Variants in MAML3 observed in about 807,000 individuals in gnomAD.
MAML3 encodes the protein mastermind-like protein 3.
A neutral mutation model predicts 101.9 loss-of-function variants in MAML3; 27 were observed. The observed-to-expected ratio is 0.27, with a 90% confidence interval of 0.20 to 0.37. The LOEUF is 0.37. Among genes scored for constraint, MAML3 ranks in the 10% least tolerant of loss-of-function variants. The pLI, the probability that MAML3 is intolerant of heterozygous loss-of-function variation, is 1.00. For missense variants in MAML3, 1,316 were observed against 1,444.9 expected (o/e 0.91, Z 1.45); for synonymous variants, 501 against 555.9 (o/e 0.90, Z 1.39).
chr4:139,798,451 T>C (rs1322901019), intron 2 of MAML3, among the ~76,000 whole-genome samples: 2 of 152,188 alleles, frequency 1.3e-5, no homozygotes, highest in African/African-American at 4.8e-5. Context: ...GTGTCCAAAG[T>C]TGTCAGGCAA....
At chr4:139,969,567 G>A (rs1187876035) in intron 1 of MAML3, among the ~76,000 whole-genome samples, 1 of 152,084 alleles carries the variant, frequency 6.6e-6, no homozygotes, top group Non-Finnish European at 1.5e-5. Context: ...CATATGAAAA[G>A]CTCCCTGACA....
chr4:140,056,355 TTTTC>T (rs944301520), intron 1 of MAML3, among the ~76,000 whole-genome samples: 3 of 147,774 alleles, frequency 2.0e-5, no homozygotes, highest in African/African-American at 5.0e-5. Context: ...TTTTCTTTTC[TTTTC>T]TTTTTTTTTT....
chr4:139,948,339 T>C (rs960552415), intron 1 of MAML3, among the ~76,000 whole-genome samples: 2 of 152,208 alleles, frequency 1.3e-5, no homozygotes, highest in Admixed American at 1.3e-4. Flanking sequence ...ATTTCAGCTT[T>C]CAAATAACTG....
At chr4:139,866,642 C>G (rs992777918) in intron 2 of MAML3, among the ~76,000 whole-genome samples, 7 of 152,166 alleles carry the variant, frequency 4.6e-5, no homozygotes, top group African/African-American at 1.4e-4. Context: ...TGATTCTTCT[C>G]TCTTCCTCAC....
Position 139,897,096 on chromosome 4 carries a change from G to T in MAML3, c.469-6129C>A, listed in dbSNP as rs1732629829. ...TACTGTCCTGTCCCTGATTTTGCAC[G>T]AAGTTGGGCAGGATCACAGAGCTTG... On this transcript the variant is annotated intron_variant, in intron 1 of 4. Transcript: ENST00000509479. Among the ~76,000 whole-genome samples the T allele has an allele frequency of 2.0e-5, 3 of 152,186 alleles. No individual in the cohort carries two copies. The South Asian group carries it at 6.2e-4, about 31-fold the overall frequency.
chr4:140,050,560 GCCAT>G (rs200744449), intron 1 of MAML3, among the ~76,000 whole-genome samples: 5,809 of 152,226 alleles, frequency 0.038, 210 homozygotes, highest in African/African-American at 0.096. Context: ...CTCCAAAGCA[GCCAT>G]GTGTTCCACT....
chr4:139,726,709 G>C (rs1728485968), intron 3 of MAML3, among the ~76,000 whole-genome samples: 2 of 152,154 alleles, frequency 1.3e-5, no homozygotes, highest in African/African-American at 4.8e-5. Flanking sequence ...TTACTGCTTT[G>C]AGGAAACCAT....
chr4:139,886,720 ATCTTTGT>A (rs1732345629), intron 2 of MAML3, among the ~76,000 whole-genome samples: 1 of 152,200 alleles, frequency 6.6e-6, no homozygotes, highest in African/African-American at 2.4e-5. Flanking sequence ...CATGAGCATA[ATCTTTGT>A]TCAACCATCT....
chr4:140,091,297 C>T (rs1728042281), intron 1 of MAML3, among the ~76,000 whole-genome samples: 1 of 152,072 alleles, frequency 6.6e-6, no homozygotes. Flanking sequence ...TTCCTAAAGC[C>T]TTCCAAGATA....
chr4:139,983,153 G>A (rs748914456), intron 1 of MAML3, among the ~76,000 whole-genome samples: 9 of 152,138 alleles, frequency 5.9e-5, no homozygotes, highest in Non-Finnish European at 8.8e-5. Flanking sequence ...TCTTTGTGCT[G>A]TAAAACTCCA....
chr4:140,131,918 C>T (rs1401229019), intron 1 of MAML3, among the ~76,000 whole-genome samples: 1 of 152,256 alleles, frequency 6.6e-6, no homozygotes, highest in East Asian at 1.9e-4. Context: ...GGATTGCTGT[C>T]TCCAGTCTCT....
intron 1 of MAML3, among the ~76,000 whole-genome samples, chr4:139,939,560 G>T (rs923397957): frequency 6.6e-6 from 1 of 152,194 alleles, no homozygotes; most frequent in African/African-American, 2.4e-5. Flanking sequence ...CAACAAGGGG[G>T]TCTTTGCTGT....
intron 1 of MAML3, among the ~76,000 whole-genome samples, chr4:140,006,414 C>T (rs746652418): frequency 6.6e-6 from 1 of 151,662 alleles, no homozygotes; most frequent in Non-Finnish European, 1.5e-5. Flanking sequence ...GGTGAAACCC[C>T]GACTCTACTA....
intron 1 of MAML3, among the ~76,000 whole-genome samples, chr4:140,025,142 C>T (rs1477786473): frequency 1.3e-5 from 2 of 152,180 alleles, no homozygotes; most frequent in Non-Finnish European, 2.9e-5. Flanking sequence ...TCCTGATTGA[C>T]ACAAACCTAC....
At chr4:140,075,255 C>T (rs535385626) in intron 1 of MAML3, among the ~76,000 whole-genome samples, 1 of 152,124 alleles carries the variant, frequency 6.6e-6, no homozygotes, top group East Asian at 1.9e-4. Context: ...GGAATTTGTT[C>T]CAGGTTATGT....
chr4:139,852,401 C>CT (rs1560814189), intron 2 of MAML3, among the ~76,000 whole-genome samples: 12 of 126,254 alleles, frequency 9.5e-5, no homozygotes, highest in South Asian at 2.4e-4. Context: ...ATTCAGAAGA[C>CT]TGTTTTTTTT....
intron 1 of MAML3, among the ~76,000 whole-genome samples, chr4:139,975,352 G>A (rs1277348260): frequency 1.3e-5 from 2 of 152,118 alleles, no homozygotes; most frequent in Non-Finnish European, 2.9e-5. Context: ...TTGCTCAAAT[G>A]TCACTTTTCA....
chr4:139,836,471 A>G (rs940035494), intron 2 of MAML3, among the ~76,000 whole-genome samples: 2 of 152,218 alleles, frequency 1.3e-5, no homozygotes, highest in African/African-American at 2.4e-5. Flanking sequence ...TATGAGAACT[A>G]TTTCCAATTC....
intron 1 of MAML3, among the ~76,000 whole-genome samples, chr4:140,066,518 A>G (rs1312154100): frequency 1.3e-5 from 2 of 152,232 alleles, no homozygotes; most frequent in African/African-American, 4.8e-5. Context: ...AGGCCACACA[A>G]GTCAGCTTGC....
Sources: allele counts gnomAD v4.1 joint callset (sites outside exome capture counted in the v4.1 genomes callset), GRCh38; gene constraint gnomAD v4.1.1; transcripts MANE v1.5; gene names NCBI Gene and HGNC (gene_info 2026-07-23, HGNC 2026-07-21).